Variants in RNF38 observed in about 807,000 individuals in gnomAD.
RNF38 encodes E3 ubiquitin-protein ligase RNF38.
A neutral mutation model predicts 67.2 loss-of-function variants in RNF38; 15 were observed. That is an observed-to-expected ratio of 0.22 (90% CI 0.15 to 0.34). The LOEUF (loss-of-function observed/expected upper bound fraction) is 0.34, where lower values mean the gene tolerates loss of function less well. Ranked by LOEUF, RNF38 falls within the 10% of genes least tolerant of loss-of-function variation. The probability of loss-of-function intolerance (pLI) is 1.00; values close to 1 mark genes in which losing one functional copy is unlikely to be tolerated. For missense variants in RNF38, 524 were observed against 639.9 expected (o/e 0.82, Z 1.95); for synonymous variants, 220 against 218.8 (o/e 1.01, Z -0.05).
intron 2 of RNF38, among the ~76,000 whole-genome samples, chr9:36,380,081 G>C (rs541854981): frequency 6.6e-6 from 1 of 152,286 alleles, no homozygotes; most frequent in East Asian, 1.9e-4. Context: ...TGTAGTTACA[G>C]AACAGAATGG....
intron 1 of RNF38, among the ~76,000 whole-genome samples, chr9:36,475,255 T>C (rs1239009780): frequency 1.3e-5 from 2 of 152,292 alleles, no homozygotes; most frequent in South Asian, 4.1e-4. Flanking sequence ...ATTGAACTGA[T>C]GCATATCTGA....
At chr9:36,434,246 G>C (rs1030506323) in intron 1 of RNF38, among the ~76,000 whole-genome samples, 15 of 135,790 alleles carry the variant, frequency 1.1e-4, no homozygotes, top group African/African-American at 4.2e-4. Context: ...GAAAGGGGAA[G>C]GGAGGGGAGG....
intron 9 of RNF38, among the ~76,000 whole-genome samples, chr9:36,349,712 G>A (rs1833555325): frequency 6.6e-6 from 1 of 152,224 alleles, no homozygotes; most frequent in Middle Eastern, 3.4e-3. Context: ...CAATATCGAG[G>A]AGCTTTTCCC....
intron 1 of RNF38, among the ~76,000 whole-genome samples, chr9:36,458,527 A>G (rs1839646986): frequency 6.6e-6 from 1 of 152,158 alleles, no homozygotes; most frequent in East Asian, 1.9e-4. Context: ...GAAGTCAGCG[A>G]GACCACAAAC....
intron 2 of RNF38, among the ~76,000 whole-genome samples, chr9:36,418,650 G>T (rs1439161974): frequency 6.6e-6 from 1 of 152,138 alleles, no homozygotes; most frequent in Non-Finnish European, 1.5e-5. Context: ...GCCAAATGTG[G>T]TGGTACGCGC....
intron 3 of RNF38, among the ~76,000 whole-genome samples, chr9:36,370,305 G>A (rs1057408578): frequency 6.6e-6 from 1 of 152,024 alleles, no homozygotes; most frequent in African/African-American, 2.4e-5. Context: ...ACTTTAATCT[G>A]TAGATACCTT....
In RNF38 at chr9:36,394,523, G is replaced by A. The variant is rs535790370; in HGVS notation, c.13-3907C>T. Reference sequence around the variant, plus strand: ...TGGCTACACTGATTTGATTACAAAAGATATAAAAATTAACACATTTTTATT... The same window carrying A: ...TGGCTACACTGATTTGATTACAAAAAATATAAAAATTAACACATTTTTATT... On this transcript the variant is annotated intron_variant, in intron 1 of 11. Transcript: ENST00000259605. Among the ~76,000 whole-genome samples, 4 of 152,300 alleles carry A rather than the reference G, an allele frequency of 2.6e-5. No homozygotes were observed. The East Asian group carries it at 7.7e-4, about 29-fold the overall frequency.
chr9:36,416,701 C>G (rs950135593), intron 2 of RNF38, among the ~76,000 whole-genome samples: 1 of 146,242 alleles, frequency 6.8e-6, no homozygotes, highest in Non-Finnish European at 1.5e-5. Flanking sequence ...TCCCTGGGGA[C>G]TAGAAGTGTC....
intron 9 of RNF38, among the ~76,000 whole-genome samples, chr9:36,348,779 G>A (rs1394827617): frequency 1.3e-5 from 2 of 152,240 alleles, no homozygotes; most frequent in African/African-American, 2.4e-5. Context: ...TGCTGGAAAT[G>A]CTGATACAGA....
intron 3 of RNF38, among the ~76,000 whole-genome samples, chr9:36,370,292 C>T (rs942839179): frequency 6.6e-5 from 10 of 152,006 alleles, no homozygotes; most frequent in East Asian, 1.9e-4. Context: ...TATAATAAAA[C>T]GAACTTTAAT....
intron 1 of RNF38, among the ~76,000 whole-genome samples, chr9:36,480,287 G>A (rs1180034772): frequency 6.6e-6 from 1 of 151,978 alleles, no homozygotes; most frequent in Admixed American, 6.6e-5. Context: ...CCCTGTAAAT[G>A]TGATTATTAA....
intron 2 of RNF38, among the ~76,000 whole-genome samples, chr9:36,411,392 T>C (rs1449401546): frequency 1.3e-5 from 2 of 152,128 alleles, no homozygotes; most frequent in Non-Finnish European, 2.9e-5. Context: ...TGAATTACCA[T>C]ATGATCTAGC....
chr9:36,393,498 TGTGTGTGTGTGTGTGTGTGTGTGTGG>T (rs1837281918), intron 1 of RNF38, among the ~76,000 whole-genome samples: 2 of 147,658 alleles, frequency 1.4e-5, no homozygotes, highest in Non-Finnish European at 3.0e-5. Context: ...TGTGTGTGTG[TGTGTGTGTGTGTGTGTGTGTGTGTGG>T]GGCAGGCAGT....
chr9:36,410,722 T>C (rs1838301220), intron 2 of RNF38, among the ~76,000 whole-genome samples: 1 of 152,236 alleles, frequency 6.6e-6, no homozygotes, highest in Non-Finnish European at 1.5e-5. Flanking sequence ...TTTCTATTAC[T>C]ATTCTCTAAA....
At chr9:36,351,989 A>G (rs1006792152) in intron 8 of RNF38, among the ~76,000 whole-genome samples, 1 of 152,182 alleles carries the variant, frequency 6.6e-6, no homozygotes, top group African/African-American at 2.4e-5. Context: ...TCTAGACTTT[A>G]TTATGTGAGA....
intron 1 of RNF38, among the ~76,000 whole-genome samples, chr9:36,468,207 A>G (rs1839910326): frequency 6.7e-6 from 1 of 149,452 alleles, no homozygotes; most frequent in Non-Finnish European, 1.5e-5. Flanking sequence ...GCACCACTGT[A>G]CTCCAGCCTG....
At chr9:36,415,578 T>A (rs1057474465) in intron 2 of RNF38, among the ~76,000 whole-genome samples, 1 of 152,130 alleles carries the variant, frequency 6.6e-6, no homozygotes, top group Non-Finnish European at 1.5e-5. Context: ...ACTACAGTGA[T>A]TGTTGCTGCT....
chr9:36,336,481 T>C lies in RNF38; in HGVS notation c.*3271A>G, dbSNP rs945820681. ...CACAGGGATTAAAAATAAAAATTCA[T>C]TGCACTACTTAGTAAAGCATTACTA... On this transcript the variant is annotated 3_prime_UTR_variant, in exon 12 of 12. Coordinates refer to ENST00000259605, the MANE Select transcript of RNF38 (RefSeq NM_022781.5). The C allele has an allele frequency of 6.6e-6, 1 of 152,510 alleles. No individual in the cohort carries two copies. 9.4% of individuals were successfully genotyped at this position (152,510 alleles called of 1,614,324 possible).
chr9:36,444,918 TC>T (rs929918457), intron 1 of RNF38, among the ~76,000 whole-genome samples: 3 of 64,688 alleles, frequency 4.6e-5, no homozygotes, highest in Non-Finnish European at 1.0e-4. Flanking sequence ...AGAGCCATTC[TC>T]TTTTTTTTTT....
Sources: allele counts gnomAD v4.1 joint callset (sites outside exome capture counted in the v4.1 genomes callset), GRCh38; gene constraint gnomAD v4.1.1; transcripts MANE v1.5; gene names NCBI Gene and HGNC (gene_info 2026-07-23, HGNC 2026-07-21).